TENM2: variants seen among roughly 807,000 people sequenced by gnomAD.
The protein encoded by TENM2 is teneurin-2.
Under a neutral mutation model 245.2 loss-of-function variants are expected in TENM2, and 52 were observed. The observed-to-expected ratio is 0.21, with a 90% CI of 0.17 to 0.27. TENM2 has a LOEUF of 0.27. Ranked by LOEUF, TENM2 falls within the 10% of genes least tolerant of loss-of-function variation. TENM2 has a pLI of 1.00. For missense variants in TENM2, 3,046 were observed against 3,666.8 expected (o/e 0.83, Z 4.37); for synonymous variants, 1,363 against 1,438.9 (o/e 0.95, Z 1.19).
At chr5:167,750,456 T>G (rs888536326) in intron 2 of TENM2, among the ~76,000 whole-genome samples, 17 of 152,134 alleles carry the variant, frequency 1.1e-4, no homozygotes, top group African/African-American at 4.1e-4. Context: ...CTGCGCATTT[T>G]CTGGAGTTGT....
At chr5:167,842,580 CAAAAA>C (rs1160974467) in intron 2 of TENM2, among the ~76,000 whole-genome samples, 69 of 45,314 alleles carry the variant, frequency 1.5e-3, no homozygotes, top group Non-Finnish European at 2.3e-3. Flanking sequence ...GACTCCATGT[CAAAAA>C]AAAAAAAAAA....
chr5:167,245,200 A>G, the TENM2 span, among the ~76,000 whole-genome samples: 2 of 152,170 alleles, frequency 1.3e-5, no homozygotes, highest in Non-Finnish European at 2.9e-5. Flanking sequence ...TGTAATGTCA[A>G]GAGAGTAGGT....
At position 168,241,856 on chromosome 5, in the gene TENM2, G is replaced by A. The variant is rs567202566; in HGVS notation, c.5521-2564G>A. On this transcript the variant is annotated intron_variant, in intron 25 of 28. Transcript: ENST00000518659. ...TTTCCACCGCTAGTAACAGAGATTA[G>A]CAATAGCAAGGGTTTAAACAGGATT... Among the ~76,000 whole-genome samples the A allele has an allele frequency of 6.6e-5, 10 of 152,292 alleles. No individual in the cohort carries two copies. The East Asian group carries it at 1.9e-3, about 29-fold the overall frequency.
At position 168,097,696 on chromosome 5, in the gene TENM2, C is replaced by T. The variant is rs534125931; in HGVS notation, c.1712-330C>T. Among the ~76,000 whole-genome samples the T allele has an allele frequency of 2.0e-5, 3 of 152,212 alleles. No individual in the cohort carries two copies. The South Asian group carries it at 6.2e-4, about 32-fold the overall frequency. The stretch of plus-strand genomic sequence containing the variant: ...CAGACTCCTGACCTCATGTGATCCA[C>T]TTGCCTCAGCCTCCCAAAGTGCTGA... On this transcript the variant is annotated intron_variant, in intron 8 of 28. Coordinates refer to ENST00000518659, the Ensembl canonical transcript of TENM2.
intron 2 of TENM2, among the ~76,000 whole-genome samples, chr5:167,480,584 A>G (rs994450943): frequency 3.9e-5 from 6 of 152,222 alleles, no homozygotes; most frequent in Admixed American, 3.3e-4. Context: ...GGAAATCTGC[A>G]TTTTGACACA....
At chr5:167,475,968 C>A (rs914649013) in intron 2 of TENM2, among the ~76,000 whole-genome samples, 2 of 151,958 alleles carry the variant, frequency 1.3e-5, no homozygotes, top group African/African-American at 4.8e-5. Context: ...CATGTACATG[C>A]GTCTTTATAG....
At position 167,927,133 on chromosome 5, in the gene TENM2, G is replaced by GAA. The variant is rs527730902; in HGVS notation, c.713-25451_713-25450dup. ...ACATACAAGTCTTATGGGAGAGAGA[G>GAA]AAAAACAGAGGTGTTTTAAAATTTA... On this transcript the variant is annotated intron_variant, in intron 3 of 28. Coordinates refer to ENST00000518659, the Ensembl canonical transcript of TENM2. 1.3e-3 allele frequency among the ~76,000 whole-genome samples: 195 copies of GAA among 152,132 alleles called. 2 individuals carry two copies. In the East Asian group the frequency reaches 0.022, roughly 17 times the overall value.
At chr5:167,793,907 G>A (rs1765149049) in intron 2 of TENM2, among the ~76,000 whole-genome samples, 1 of 151,608 alleles carries the variant, frequency 6.6e-6, no homozygotes, top group Non-Finnish European at 1.5e-5. Context: ...TTGTATTGCA[G>A]CATAGCAAAC....
chr5:167,521,195 A>G (rs536906320), intron 2 of TENM2, among the ~76,000 whole-genome samples: 14 of 152,124 alleles, frequency 9.2e-5, no homozygotes, highest in Non-Finnish European at 1.9e-4. Context: ...TTATAGCCAG[A>G]GACAAAGGTT....
At position 167,669,088 on chromosome 5, in the gene TENM2, A is replaced by C. The variant is rs191650344; in HGVS notation, c.503-206898A>C. Among the ~76,000 whole-genome samples the C allele has an allele frequency of 5.4e-3, 825 of 152,342 alleles. 5 individuals are homozygous for C. Among genetic ancestry groups the C allele is most frequent in the South Asian group, 0.013 (64 of 4,832 alleles). On this transcript the variant is annotated intron_variant, in intron 2 of 28. Transcript: ENST00000518659. ...CTTTTATTTGGAATTTCCAAAACGAACTTTAAAAATAAAAGAGGAGGAGCA... is the reference window on the plus strand; with the variant it reads ...CTTTTATTTGGAATTTCCAAAACGACCTTTAAAAATAAAAGAGGAGGAGCA...
At chr5:167,395,655 C>T (rs546536049) in intron 2 of TENM2, among the ~76,000 whole-genome samples, 21 of 152,200 alleles carry the variant, frequency 1.4e-4, no homozygotes, top group Admixed American at 6.5e-4. Context: ...TTCACTTAAT[C>T]TCATCAATAA....
chr5:167,823,450 C>T (rs573664655), intron 2 of TENM2, among the ~76,000 whole-genome samples: 6 of 152,278 alleles, frequency 3.9e-5, no homozygotes, highest in African/African-American at 1.4e-4. Flanking sequence ...CCCTCACCCC[C>T]CTGCCACCAA....
At chr5:167,638,120 TG>T (rs1561625923) in intron 2 of TENM2, among the ~76,000 whole-genome samples, 2 of 150,386 alleles carry the variant, frequency 1.3e-5, no homozygotes, top group East Asian at 3.9e-4. Context: ...TGTGTGTGTG[TG>T]TGTGTGTGTG....
the TENM2 span, among the ~76,000 whole-genome samples, chr5:167,047,495 A>T: frequency 1.3e-5 from 1 of 76,656 alleles, no homozygotes; most frequent in East Asian, 2.5e-4. Context: ...TAATGTGAGA[A>T]TTAGAAAGAA....
chr5:168,260,759 G>GA (rs1291074952), intron 28 of TENM2, among the ~76,000 whole-genome samples: 4 of 152,058 alleles, frequency 2.6e-5, no homozygotes, highest in Non-Finnish European at 4.4e-5. Context: ...GCTTTTATGG[G>GA]ATGTCATAAA....
At chr5:167,613,934 T>G (rs987285978) in intron 2 of TENM2, among the ~76,000 whole-genome samples, 2 of 152,192 alleles carry the variant, frequency 1.3e-5, no homozygotes, top group Non-Finnish European at 2.9e-5. Context: ...TGTTTATTGC[T>G]TGTTTTCTTT....
chr5:168,261,248 G>A (rs1053472836), intron 28 of TENM2, among the ~76,000 whole-genome samples: 2 of 152,100 alleles, frequency 1.3e-5, no homozygotes, highest in Non-Finnish European at 2.9e-5. Flanking sequence ...TGTAATTTGC[G>A]AGTGGAGAAC....
At chr5:167,123,365 C>A in the TENM2 span, among the ~76,000 whole-genome samples, 3 of 152,096 alleles carry the variant, frequency 2.0e-5, no homozygotes, top group African/African-American at 7.2e-5. Flanking sequence ...CAAAACCACA[C>A]ACACACGGAT....
intron 2 of TENM2, among the ~76,000 whole-genome samples, chr5:167,704,648 AG>A (rs1034093613): frequency 4.5e-4 from 68 of 152,358 alleles, no homozygotes; most frequent in African/African-American, 1.6e-3. Context: ...AGGAAAAAGA[AG>A]GCTTTGAATA....
Sources: gnomAD v4.1 joint callset for allele counts (sites outside exome capture counted in the v4.1 genomes callset) on GRCh38, gnomAD v4.1.1 for gene constraint, MANE v1.5 for transcripts, NCBI Gene and HGNC (gene_info 2026-07-23, HGNC 2026-07-21) for gene names.